GABRG1: variants seen among roughly 807,000 people sequenced by gnomAD.
The protein encoded by GABRG1 is gamma-aminobutyric acid receptor subunit gamma-1.
A neutral mutation model predicts 49.8 loss-of-function variants in GABRG1; 49 were observed. The observed-to-expected ratio is 0.98, with a 90% CI of 0.78 to 1.25. The LOEUF (loss-of-function observed/expected upper bound fraction) is 1.25, where lower values mean the gene tolerates loss of function less well. Among genes scored for constraint, GABRG1 ranks in the 50% most tolerant of loss-of-function variants. The pLI, the probability that GABRG1 is intolerant of heterozygous loss-of-function variation, is 0.00. For missense variants in GABRG1, 552 were observed against 552.3 expected, an observed-to-expected ratio of 1.00 and a Z score of 0.01; for synonymous variants, 232 against 185.1, an observed-to-expected ratio of 1.25 and a Z score of -2.06.
At chr4:46,122,943 T>C (rs1416689190) in intron 1 of GABRG1, among the ~76,000 whole-genome samples, 2 of 152,008 alleles carry the variant, frequency 1.3e-5, no homozygotes, top group African/African-American at 2.4e-5. Context: ...TACTCCTACG[T>C]ATAATCGAAG....
At chr4:46,089,901 C>A (rs1270291337) in intron 2 of GABRG1, among the ~76,000 whole-genome samples, 1 of 151,938 alleles carries the variant, frequency 6.6e-6, no homozygotes, top group African/African-American at 2.4e-5. Flanking sequence ...GAGGTTGAAG[C>A]TGCAGTGAGC....
chr4:46,119,609 C>T (rs1336072964), intron 1 of GABRG1, among the ~76,000 whole-genome samples: 2 of 151,472 alleles, frequency 1.3e-5, no homozygotes, highest in Non-Finnish European at 1.5e-5. Context: ...ACATTTTCCC[C>T]ATAGTCTTCT....
intron 2 of GABRG1, among the ~76,000 whole-genome samples, chr4:46,091,386 A>G (rs1719984776): frequency 6.6e-6 from 1 of 152,068 alleles, no homozygotes. Context: ...TTCAACACAA[A>G]ATTAAGACAC....
At chr4:46,120,170 G>T (rs890362801) in intron 1 of GABRG1, among the ~76,000 whole-genome samples, 3 of 151,684 alleles carry the variant, frequency 2.0e-5, no homozygotes, top group Non-Finnish European at 3.0e-5. Context: ...TCACTTGAAA[G>T]CCTGCCCATA....
chr4:46,099,707 A>G (rs188047807), intron 1 of GABRG1, among the ~76,000 whole-genome samples: 1 of 151,876 alleles, frequency 6.6e-6, no homozygotes, highest in East Asian at 2.0e-4. Flanking sequence ...CAAGTTAAGT[A>G]TATCACTAAA....
In GABRG1 at chr4:46,037,155, C is replaced by T. The variant is rs1179589833; in HGVS notation, c.*3833G>A. On this transcript the variant is annotated 3_prime_UTR_variant, in exon 9 of 9. Transcript: ENST00000295452. Reference sequence around the variant, plus strand: ...ATCTTTCTGACTACATTATATGTTCCTTGAAAGTCATCTTTATATTCCCTT... The same window carrying T: ...ATCTTTCTGACTACATTATATGTTCTTTGAAAGTCATCTTTATATTCCCTT... 1 of 151,812 alleles carries T rather than the reference C, an allele frequency of 6.6e-6. No individual in the cohort carries two copies. Among genetic ancestry groups the T allele is most frequent in the Non-Finnish European group, 1.5e-5 (1 of 67,866 alleles). The allele number at this position is 151,812 out of a possible 1,614,324, so 9.4% of individuals were successfully genotyped here.
At chr4:46,058,115 G>T in intron 7 of GABRG1, 102 bp downstream of exon 7, 2 of 1,136,352 alleles carry the variant, frequency 1.8e-6, no homozygotes, top group Non-Finnish European at 2.5e-6. Flanking sequence ...CCTGACTGTA[G>T]TCTAGAAGAA....
At chr4:46,080,652 CA>C (rs66613639) in intron 3 of GABRG1, among the ~76,000 whole-genome samples, 8,960 of 151,746 alleles carry the variant, frequency 0.059, 453 homozygotes, top group African/African-American at 0.13. Flanking sequence ...CTGTGATAGC[CA>C]TTCTTGTCAA....
intron 8 of GABRG1, among the ~76,000 whole-genome samples, chr4:46,047,679 ATAATAAAATATCT>A (rs2109394699): frequency 6.6e-6 from 1 of 152,002 alleles, no homozygotes; most frequent in South Asian, 2.1e-4. Flanking sequence ...TTATTTAAAA[ATAATAAAATATCT>A]TATGTATATT....
At chr4:46,102,607 A>T (rs7690567) in intron 1 of GABRG1, among the ~76,000 whole-genome samples, 138,339 of 149,384 alleles carry the variant, frequency 0.93, 63,652 homozygotes, top group East Asian at 1. Flanking sequence ...AGACTTCTTC[A>T]CACATTCAAT....
intron 1 of GABRG1, among the ~76,000 whole-genome samples, chr4:46,102,755 GA>G (rs371279013): frequency 2.6e-5 from 4 of 151,218 alleles, no homozygotes; most frequent in Non-Finnish European, 5.9e-5. Flanking sequence ...CTGTATGTGG[GA>G]AAAAAACCTT....
intron 3 of GABRG1, among the ~76,000 whole-genome samples, chr4:46,078,709 G>A (rs991353455): frequency 2.6e-5 from 4 of 151,826 alleles, no homozygotes; most frequent in Non-Finnish European, 5.9e-5. Context: ...AGTTAAAGAG[G>A]CTTACTTAAA....
chr4:46,103,732 A>G (rs895696553), intron 1 of GABRG1, among the ~76,000 whole-genome samples: 3 of 151,368 alleles, frequency 2.0e-5, no homozygotes, highest in East Asian at 3.9e-4. Context: ...GTTAATTTTG[A>G]GTGTCATTTT....
intron 1 of GABRG1, among the ~76,000 whole-genome samples, chr4:46,111,113 C>T (rs1490587965): frequency 6.6e-6 from 1 of 150,984 alleles, no homozygotes; most frequent in Non-Finnish European, 1.5e-5. Context: ...AGAACTCCAC[C>T]AAAAGGCTCC....
At chr4:46,122,220 C>T (rs1229546537) in intron 1 of GABRG1, among the ~76,000 whole-genome samples, 5 of 151,830 alleles carry the variant, frequency 3.3e-5, no homozygotes, top group Non-Finnish European at 7.4e-5. Flanking sequence ...AAATATTCCC[C>T]AAAACAAAAC....
chr4:46,089,422 C>A (rs1264344744), intron 2 of GABRG1, among the ~76,000 whole-genome samples: 1 of 152,000 alleles, frequency 6.6e-6, no homozygotes, highest in African/African-American at 2.4e-5. Flanking sequence ...TTCTTTATAT[C>A]TCCCCCATGT....
At chr4:46,105,457 A>T (rs1456259204) in intron 1 of GABRG1, among the ~76,000 whole-genome samples, 1 of 151,398 alleles carries the variant, frequency 6.6e-6, no homozygotes, top group African/African-American at 2.4e-5. Flanking sequence ...CTATAACTTC[A>T]TATCTTGGCT....
chr4:46,093,314 A>G (rs1291056462), intron 2 of GABRG1, among the ~76,000 whole-genome samples: 4 of 151,994 alleles, frequency 2.6e-5, no homozygotes, highest in Non-Finnish European at 5.9e-5. Flanking sequence ...CAACATGGAT[A>G]GAACTGATGA....
In GABRG1 at chr4:46,053,697, G is replaced by T. The variant is rs369561567; in HGVS notation, c.917-2059C>A. 5.9e-5 allele frequency among the ~76,000 whole-genome samples: 9 copies of T among 151,874 alleles called. No homozygotes were observed. In the South Asian group the frequency reaches 1.0e-3, roughly 18 times the overall value. ...TAAATCCAATGTGTGGTTTCATTTTGTTATCCACTACTGCAATAAATTTTA... is the reference window on the plus strand; with the variant it reads ...TAAATCCAATGTGTGGTTTCATTTTTTTATCCACTACTGCAATAAATTTTA... On this transcript the variant is annotated intron_variant, in intron 7 of 8. Coordinates refer to ENST00000295452, the MANE Select transcript of GABRG1 (RefSeq NM_173536.4).
Sources: gnomAD v4.1 joint callset for allele counts (sites outside exome capture counted in the v4.1 genomes callset) on GRCh38, gnomAD v4.1.1 for gene constraint, MANE v1.5 for transcripts, NCBI Gene and HGNC (gene_info 2026-07-23, HGNC 2026-07-21) for gene names.